The following CACNA1I variants were observed in gnomAD, a reference collection of about 807,000 sequenced individuals.
The protein encoded by CACNA1I is calcium voltage-gated channel subunit alpha1 I.
A neutral mutation model predicts 201.6 loss-of-function variants in CACNA1I; 74 were observed. The ratio of observed to expected loss-of-function variants is 0.37; its 90% confidence interval spans 0.30 to 0.45. The LOEUF is 0.45. Among genes scored for constraint, CACNA1I ranks in the 20% least tolerant of loss-of-function variants. The pLI is 1.00. For synonymous variants in CACNA1I, 1,431 were observed against 1,345.2 expected, an observed-to-expected ratio of 1.06 and a Z score of -1.40; for missense variants, 2,346 against 3,138.1, an observed-to-expected ratio of 0.75 and a Z score of 6.03.
At chr22:39,593,465 A>G (rs1207515026) in intron 1 of CACNA1I, among the ~76,000 whole-genome samples, 2 of 152,222 alleles carry the variant, frequency 1.3e-5, no homozygotes, top group African/African-American at 4.8e-5. Flanking sequence ...GGAAGCTTCA[A>G]GAAGAGGTGA....
intron 1 of CACNA1I, among the ~76,000 whole-genome samples, chr22:39,575,967 G>T (rs748656148): frequency 1.2e-4 from 19 of 152,048 alleles, no homozygotes; most frequent in Non-Finnish European, 2.4e-4. Context: ...AAGAGATGGG[G>T]TTTCACCATT....
At chr22:39,655,991 G>A (rs1200159775) in intron 10 of CACNA1I, among the ~76,000 whole-genome samples, 3 of 152,248 alleles carry the variant, frequency 2.0e-5, no homozygotes, top group South Asian at 2.1e-4. Context: ...TCATCTCCGC[G>A]GACATCGCTT....
intron 1 of CACNA1I, among the ~76,000 whole-genome samples, chr22:39,589,048 T>G (rs1312355660): frequency 6.6e-6 from 1 of 152,150 alleles, no homozygotes; most frequent in Non-Finnish European, 1.5e-5. Flanking sequence ...TCCTGTACGT[T>G]GTAGGGTGTT....
At chr22:39,632,284 G>T (rs925448340) in intron 4 of CACNA1I, among the ~76,000 whole-genome samples, 1 of 152,088 alleles carries the variant, frequency 6.6e-6, no homozygotes, top group Admixed American at 6.5e-5. Flanking sequence ...TGGCCTCGGG[G>T]CTCGCCCATT....
Position 39,687,842 on chromosome 22 carries a change from G to A in CACNA1I, c.*1437G>A, listed in dbSNP as rs915009481. 6.6e-6 allele frequency: 1 copy of A among 152,276 alleles called. No individual in the cohort carries two copies. Among genetic ancestry groups the A allele is most frequent in the African/African-American group, 2.4e-5 (1 of 41,456 alleles). The allele number at this position is 152,276 out of a possible 1,614,324, so 9.4% of individuals were successfully genotyped here. A position where few individuals can be genotyped will look rare whatever the true frequency, so the allele number is the denominator to read the frequency against. ...GTCAAGGCTACTTTTTAAAAAGGGA[G>A]TGACTTTCATGAAGTCAGTTTGAAG... On this transcript the variant is annotated 3_prime_UTR_variant, in exon 37 of 37. Transcript: ENST00000402142.
chr22:39,684,561 G>C lies in CACNA1I; in HGVS notation c.6027+63G>C, dbSNP rs756554446. 6.5e-7 allele frequency: 1 copy of C among 1,543,854 alleles called. No individual in the cohort carries two copies. Among genetic ancestry groups the C allele is most frequent in the Admixed American group, 1.9e-5 (1 of 54,012 alleles). On this transcript the variant is annotated intron_variant, in intron 36 of 36. Transcript: ENST00000402142. The surrounding 1 kb of genome is among the most constrained non-coding windows in gnomAD (Gnocchi z 4.6). Reference sequence around the variant, plus strand: ...GGGCAAGGGGCAGGATCTAAGCCAGGCCTGGAAGTCCAAGGGACTGGGAGG... The same window carrying C: ...GGGCAAGGGGCAGGATCTAAGCCAGCCCTGGAAGTCCAAGGGACTGGGAGG...
rs542548218 is a variant in CACNA1I at position 39,635,274 on chromosome 22, G to C, written c.740+550G>C. The stretch of plus-strand genomic sequence containing the variant: ...GCCCCAGGGAGTCAGAAATAGGAGA[G>C]CATCTTCATCCATGTTCTCACTTCC... On this transcript the variant is annotated intron_variant, in intron 5 of 36. Transcript: ENST00000402142. Among the ~76,000 whole-genome samples, 15 of 152,286 alleles carry C rather than the reference G, an allele frequency of 9.8e-5. No homozygotes were observed. In the South Asian group the frequency reaches 3.1e-3, roughly 32 times the overall value.
chr22:39,593,653 C>T (rs1309046088), intron 1 of CACNA1I, among the ~76,000 whole-genome samples: 1 of 152,088 alleles, frequency 6.6e-6, no homozygotes, highest in African/African-American at 2.4e-5. Context: ...GATGGGGAGC[C>T]ATGGGAGGTT....
intron 1 of CACNA1I, among the ~76,000 whole-genome samples, chr22:39,594,092 C>T (rs536250742): frequency 4.0e-4 from 61 of 152,258 alleles, no homozygotes; most frequent in South Asian, 1.0e-3. Context: ...CAGAGGAGAG[C>T]GCTGGCCTTG....
At position 39,634,644 on chromosome 22, in the gene CACNA1I, C is replaced by T. The variant is rs1601481626; in HGVS notation, c.660C>T (p.Phe220=). ...TCCTGCTGCTCTGCTTCTTTGTCTT[C>T]TTCATCTTTGGCATCATAGGTGTGC... The part of the protein sequence containing the change: ...GNVLLLCFFV[F]FIFGIIGVQL... Residue 220 remains phenylalanine, a synonymous_variant, in exon 5 of 37, where the codon TTC becomes TTT. Coordinates refer to ENST00000402142, the MANE Select transcript of CACNA1I (RefSeq NM_021096.4). 6.2e-7 allele frequency: 1 copy of T among 1,613,988 alleles called. No individual in the cohort carries two copies. The highest frequency in any genetic ancestry group is 8.5e-7 in the Non-Finnish European group (1 of 1,179,880).
At chr22:39,598,342 CG>C in intron 2 of CACNA1I, 80 bp downstream of exon 2, 1 of 706,210 alleles carries the variant, frequency 1.4e-6, no homozygotes, top group South Asian at 1.7e-5. Flanking sequence ...TCCACACCCC[CG>C]CCCCATGTCC....
chr22:39,634,006 G>A (rs923928377), intron 4 of CACNA1I, among the ~76,000 whole-genome samples: 103 of 152,200 alleles, frequency 6.8e-4, no homozygotes, highest in African/African-American at 2.3e-3. Flanking sequence ...CATTGGGCAC[G>A]TACTACAACC....
intron 5 of CACNA1I, among the ~76,000 whole-genome samples, chr22:39,637,270 G>A (rs1039350121): frequency 2.6e-5 from 4 of 152,206 alleles, no homozygotes; most frequent in Non-Finnish European, 4.4e-5. Flanking sequence ...CAGCCAGGGT[G>A]GGGACCAATG....
intron 20 of CACNA1I, 37 bp downstream of exon 20, chr22:39,664,196 C>G: frequency 6.4e-7 from 1 of 1,567,310 alleles, no homozygotes; most frequent in Non-Finnish European, 8.7e-7. Context: ...CTGCTAGCCC[C>G]AGCTCGGGCC....
rs375675825 is a variant in CACNA1I, at chr22:39,607,557, G to A, written c.482+6904G>A. 1.1e-4 allele frequency among the ~76,000 whole-genome samples: 16 copies of A among 152,350 alleles called. No individual in the cohort carries two copies. The East Asian group carries it at 2.5e-3, about 24-fold the overall frequency. On this transcript the variant is annotated intron_variant, in intron 3 of 36. Coordinates refer to ENST00000402142, the MANE Select transcript of CACNA1I (RefSeq NM_021096.4). ...AGGAGGACTGAAAGGTACAGGTCAT[G>A]ATTCCCAGTCTGGGAACCGCAGGAA...
chr22:39,628,966 C>T (rs1933974857), intron 4 of CACNA1I, among the ~76,000 whole-genome samples: 1 of 152,152 alleles, frequency 6.6e-6, no homozygotes, highest in Non-Finnish European at 1.5e-5. Flanking sequence ...CACCCCAAAC[C>T]TCCAGGGGTG....
chr22:39,625,944 C>T (rs138836755), intron 4 of CACNA1I, among the ~76,000 whole-genome samples: 84 of 148,924 alleles, frequency 5.6e-4, no homozygotes, highest in African/African-American at 2.0e-3. Flanking sequence ...CAGTAAGAAA[C>T]GAGGGCAGTC....
intron 10 of CACNA1I, among the ~76,000 whole-genome samples, chr22:39,653,309 C>T (rs1439888927): frequency 6.6e-6 from 1 of 152,158 alleles, no homozygotes; most frequent in Non-Finnish European, 1.5e-5. Flanking sequence ...GAGGATGAGT[C>T]TCTGAAATGT....
chr22:39,678,933 A>G (rs946040497), intron 31 of CACNA1I, among the ~76,000 whole-genome samples, 174 bp from the exon 32 acceptor site: 5 of 152,052 alleles, frequency 3.3e-5, no homozygotes, highest in Non-Finnish European at 5.9e-5. Flanking sequence ...ACTTAGCTGA[A>G]GCTGAGGCAG....
Sources: allele counts gnomAD v4.1 joint callset (sites outside exome capture counted in the v4.1 genomes callset), GRCh38; gene constraint gnomAD v4.1.1; non-coding constraint Gnocchi (gnomAD v3.1); transcripts MANE v1.5; gene names NCBI Gene and HGNC (gene_info 2026-07-23, HGNC 2026-07-21).